Variants in PAK5 observed in about 807,000 individuals in gnomAD.
PAK5 encodes p21 (RAC1) activated kinase 5, also known as serine/threonine-protein kinase PAK 5.
Under a neutral mutation model 65.9 loss-of-function variants are expected in PAK5, and 16 were observed. The observed-to-expected ratio is 0.24, with a 90% confidence interval of 0.16 to 0.37. The LOEUF (loss-of-function observed/expected upper bound fraction) is 0.37, where lower values mean the gene tolerates loss of function less well. Ranked by LOEUF, PAK5 falls within the 10% of genes least tolerant of loss-of-function variation. The pLI is 1.00. For missense variants in PAK5, 785 were observed against 903.9 expected, an observed-to-expected ratio of 0.87 and a Z score of 1.69; for synonymous variants, 371 against 354.9, an observed-to-expected ratio of 1.05 and a Z score of -0.51.
chr20:9,742,726 G>C (rs896926608), intron 1 of PAK5, among the ~76,000 whole-genome samples: 1 of 152,074 alleles, frequency 6.6e-6, no homozygotes, highest in East Asian at 1.9e-4. Context: ...AAATGGTAAG[G>C]CCTCAAAAGT....
chr20:9,703,676 G>A (rs566065689), intron 2 of PAK5, among the ~76,000 whole-genome samples: 1 of 152,182 alleles, frequency 6.6e-6, no homozygotes, highest in East Asian at 1.9e-4. Context: ...CTGGCTCTGG[G>A]TCTCTTCTTC....
At chr20:9,787,468 T>C (rs2049004134) in intron 1 of PAK5, among the ~76,000 whole-genome samples, 1 of 152,180 alleles carries the variant, frequency 6.6e-6, no homozygotes, top group African/African-American at 2.4e-5. Flanking sequence ...CAGTCATCCT[T>C]AAGCATTCCC....
chr20:9,573,880 A>G (rs2045837829), intron 4 of PAK5, among the ~76,000 whole-genome samples: 1 of 152,180 alleles, frequency 6.6e-6, no homozygotes, highest in Admixed American at 6.5e-5. Flanking sequence ...ATGCTCCAAT[A>G]CACCTTTTCA....
intron 1 of PAK5, among the ~76,000 whole-genome samples, chr20:9,758,583 C>A (rs1305209552): frequency 6.6e-6 from 1 of 152,100 alleles, no homozygotes; most frequent in Non-Finnish European, 1.5e-5. Context: ...CTTGTTTCAG[C>A]CCCACTACCA....
At chr20:9,571,307 T>C (rs925923272) in intron 4 of PAK5, among the ~76,000 whole-genome samples, 2 of 152,208 alleles carry the variant, frequency 1.3e-5, no homozygotes, top group African/African-American at 4.8e-5. Context: ...GGTTCCATGA[T>C]GGTGCGTATC....
rs780500031 is a variant in PAK5 at position 9,644,094 on chromosome 20, A to AT, written c.204+30_204+31insA. 258 of 1,551,876 alleles carry AT rather than the reference A, an allele frequency of 1.7e-4. No homozygotes were observed. In the African/African-American group the frequency reaches 3.3e-3, roughly 20 times the overall value. On this transcript the variant is annotated intron_variant, in intron 3 of 9. Coordinates refer to ENST00000353224, the MANE Select transcript of PAK5 (RefSeq NM_177990.4). The stretch of plus-strand genomic sequence containing the variant: ...GCATTAAATAAGAGCATGATTCTTA[A>AT]GCCCAGCCAAAGATGGAGCCCTCAC...
chr20:9,626,832 T>C (rs2046851107), intron 3 of PAK5, among the ~76,000 whole-genome samples: 1 of 152,168 alleles, frequency 6.6e-6, no homozygotes, highest in African/African-American at 2.4e-5. Flanking sequence ...ACCAAGAAAC[T>C]TTGGTAACCC....
At chr20:9,713,727 T>C (rs1226462744) in intron 1 of PAK5, among the ~76,000 whole-genome samples, 1 of 151,988 alleles carries the variant, frequency 6.6e-6, no homozygotes, top group Non-Finnish European at 1.5e-5. Flanking sequence ...ACGGATGGAA[T>C]TGAAGGTTAT....
In PAK5 at chr20:9,555,873, C is replaced by T. The variant is rs144199069; in HGVS notation, c.1743+1735G>A. On this transcript the variant is annotated intron_variant, in intron 7 of 9. Transcript: ENST00000353224. ...ATCATGTGAGTAAGTCCAGGTGACT[C>T]GGAGATGAGTGATACTTGGCCCTGT... Among the ~76,000 whole-genome samples, 195 of 152,300 alleles carry T rather than the reference C, an allele frequency of 1.3e-3. 2 individuals are homozygous for T. The East Asian group carries it at 0.032, about 25-fold the overall frequency.
intron 3 of PAK5, among the ~76,000 whole-genome samples, chr20:9,611,428 C>T (rs950356776): frequency 1.4e-4 from 22 of 152,170 alleles, no homozygotes; most frequent in African/African-American, 4.3e-4. Flanking sequence ...CACAAACACA[C>T]CTTACTCACT....
intron 1 of PAK5, among the ~76,000 whole-genome samples, chr20:9,832,830 T>G (rs1171671640): frequency 6.6e-6 from 1 of 152,218 alleles, no homozygotes; most frequent in Non-Finnish European, 1.5e-5. Flanking sequence ...AATTATGCAT[T>G]CAGATATTTG....
In PAK5 at chr20:9,767,022, C is replaced by T. The variant is rs983443193; in HGVS notation, c.-161-55587G>A. On this transcript the variant is annotated intron_variant, in intron 1 of 9. Coordinates refer to ENST00000353224, the MANE Select transcript of PAK5 (RefSeq NM_177990.4). ...TGCTGATGCCTGACCATGGCCCCCACGTTCGGCCAAAATACACAGACCTGA... is the reference window on the plus strand; with the variant it reads ...TGCTGATGCCTGACCATGGCCCCCATGTTCGGCCAAAATACACAGACCTGA... Among the ~76,000 whole-genome samples, 11 of 152,088 alleles carry T rather than the reference C, an allele frequency of 7.2e-5. No individual in the cohort carries two copies. The South Asian group carries it at 1.9e-3, about 26-fold the overall frequency.
intron 3 of PAK5, among the ~76,000 whole-genome samples, chr20:9,641,090 A>C (rs1158660324): frequency 6.6e-6 from 1 of 152,052 alleles, no homozygotes; most frequent in East Asian, 1.9e-4. Context: ...TGGTGCGTTT[A>C]CAATCCCTGA....
At chr20:9,634,968 C>A (rs1397131892) in intron 3 of PAK5, among the ~76,000 whole-genome samples, 5 of 152,160 alleles carry the variant, frequency 3.3e-5, no homozygotes, top group African/African-American at 1.2e-4. Context: ...GATCAGCAAT[C>A]TCTCCTCCCG....
At chr20:9,744,093 G>C (rs2048480374) in intron 1 of PAK5, among the ~76,000 whole-genome samples, 1 of 152,186 alleles carries the variant, frequency 6.6e-6, no homozygotes, top group Non-Finnish European at 1.5e-5. Flanking sequence ...GCTGGAAGAA[G>C]CAAGGAACAG....
intron 7 of PAK5, among the ~76,000 whole-genome samples, chr20:9,554,184 C>T (rs1195748790): frequency 6.6e-6 from 1 of 152,184 alleles, no homozygotes; most frequent in Non-Finnish European, 1.5e-5. Context: ...GCTCTTCTTA[C>T]AATATGACTT....
At chr20:9,769,416 T>A (rs1176459745) in intron 1 of PAK5, among the ~76,000 whole-genome samples, 1 of 152,260 alleles carries the variant, frequency 6.6e-6, no homozygotes, top group Non-Finnish European at 1.5e-5. Context: ...GGTGTCTCTG[T>A]GACATGCTCT....
intron 3 of PAK5, among the ~76,000 whole-genome samples, chr20:9,642,109 G>A (rs1157132009): frequency 2.6e-5 from 4 of 152,236 alleles, no homozygotes; most frequent in African/African-American, 9.6e-5. Flanking sequence ...GAGGTGCCGA[G>A]AGCAAGCGAG....
At chr20:9,675,267 G>T (rs911041662) in intron 2 of PAK5, among the ~76,000 whole-genome samples, 2 of 152,078 alleles carry the variant, frequency 1.3e-5, no homozygotes, top group Non-Finnish European at 2.9e-5. Context: ...AAGAGTTAAA[G>T]CAGTCCAGCT....
Sources: gnomAD v4.1 joint callset for allele counts (sites outside exome capture counted in the v4.1 genomes callset) on GRCh38, gnomAD v4.1.1 for gene constraint, MANE v1.5 for transcripts, NCBI Gene and HGNC (gene_info 2026-07-23, HGNC 2026-07-21) for gene names.